The following MTTP variants were observed in gnomAD, a reference collection of about 807,000 sequenced individuals.
The protein encoded by MTTP is microsomal triglyceride transfer protein, also known as microsomal triglyceride transfer protein large subunit.
A neutral mutation model predicts 90.6 loss-of-function variants in MTTP; 49 were observed. The observed-to-expected ratio is 0.54, with a 90% CI of 0.43 to 0.69. MTTP has a LOEUF of 0.69. Among genes scored for constraint, MTTP ranks in the 30% least tolerant of loss-of-function variants. The pLI is 0.00. For synonymous variants in MTTP, 347 were observed against 384.2 expected, an observed-to-expected ratio of 0.90 and a Z score of 1.13; for missense variants, 945 against 1,067.5, an observed-to-expected ratio of 0.89 and a Z score of 1.60.
intron 6 of MTTP, 59 bp from the exon 7 acceptor site, chr4:99,594,674 G>A (rs1446980554): frequency 1.3e-6 from 2 of 1,591,136 alleles, no homozygotes; most frequent in African/African-American, 2.7e-5. Context: ...ATGGCAATTA[G>A]TATCTTGTTC....
intron 8 of MTTP, among the ~76,000 whole-genome samples, chr4:99,599,686 T>G (rs1725648822): frequency 6.6e-6 from 1 of 152,200 alleles, no homozygotes; most frequent in African/African-American, 2.4e-5. Context: ...ACTTAGAGAT[T>G]AGACACATAA....
intron 1 of MTTP, among the ~76,000 whole-genome samples, chr4:99,564,770 T>C (rs1724623215): frequency 6.6e-6 from 1 of 152,220 alleles, no homozygotes; most frequent in Non-Finnish European, 1.5e-5. Flanking sequence ...GCTTCTCATA[T>C]AGAAAGAATT....
chr4:99,566,297 G>GAAAAAAAAAAAAAAAAAAAAAAA (rs567380343), intron 1 of MTTP, among the ~76,000 whole-genome samples: 1 of 117,534 alleles, frequency 8.5e-6, no homozygotes, highest in Non-Finnish European at 1.8e-5. Context: ...TCAAAAAAAA[G>GAAAAAAAAAAAAAAAAAAAAAAA]AAAAAAAAAA....
intron 10 of MTTP, among the ~76,000 whole-genome samples, chr4:99,605,721 A>G (rs1725798143): frequency 6.6e-6 from 1 of 152,188 alleles, no homozygotes; most frequent in Non-Finnish European, 1.5e-5. Context: ...ATATGTTAGC[A>G]AACTTTTGAA....
chr4:99,566,132 A>G (rs1465972550), intron 1 of MTTP, among the ~76,000 whole-genome samples: 1 of 151,432 alleles, frequency 6.6e-6, no homozygotes, highest in Non-Finnish European at 1.5e-5. Flanking sequence ...TGCTGAAAAT[A>G]CAAAAACTTA....
intron 3 of MTTP, among the ~76,000 whole-genome samples, chr4:99,586,804 C>T (rs1447501720): frequency 2.0e-5 from 3 of 151,994 alleles, no homozygotes. Context: ...ATGAATGATG[C>T]CTACCTATTT....
chr4:99,618,438 C>T (rs995891417), intron 15 of MTTP, among the ~76,000 whole-genome samples: 1 of 152,208 alleles, frequency 6.6e-6, no homozygotes, highest in Non-Finnish European at 1.5e-5. Context: ...TCCAAACCTC[C>T]TCCCCTTACT....
chr4:99,610,067 G>A (rs1370448897), intron 12 of MTTP, among the ~76,000 whole-genome samples: 1 of 152,124 alleles, frequency 6.6e-6, no homozygotes, highest in Non-Finnish European at 1.5e-5. Flanking sequence ...AAAAACATTA[G>A]AGTGGGGAGG....
intron 1 of MTTP, among the ~76,000 whole-genome samples, chr4:99,567,713 A>G (rs748588879): frequency 1.2e-4 from 19 of 152,202 alleles, no homozygotes; most frequent in African/African-American, 3.4e-4. Context: ...CAGAACAGAG[A>G]CAATAGGGGC....
rs931880818 is a variant in MTTP, at chr4:99,591,883, T to C, written c.758+93T>C. 1.6e-5 allele frequency: 18 copies of C among 1,158,170 alleles called. No homozygotes were observed. The African/African-American group carries it at 2.0e-4, about 13-fold the overall frequency. 71.7% of individuals were successfully genotyped at this position (1,158,170 alleles called of 1,614,324 possible). A position where few individuals can be genotyped will look rare whatever the true frequency, so the allele number is the denominator to read the frequency against. On this transcript the variant is annotated intron_variant, in intron 6 of 17. Transcript: ENST00000265517. ...ATAGATCTGTGTTTGTGTGTGTGTGTGTGTGCGCGTGTAGTCATGCATTGC... is the reference window on the plus strand; with the variant it reads ...ATAGATCTGTGTTTGTGTGTGTGTGCGTGTGCGCGTGTAGTCATGCATTGC...
Position 99,623,054 on chromosome 4 carries a change from C to T in MTTP, c.*206C>T, listed in dbSNP as rs1726281258. On this transcript the variant is annotated 3_prime_UTR_variant, in exon 18 of 18. Transcript: ENST00000265517. ...AGCGTCATTTTGAATCATCATGTGA[C>T]GCTTTCAACAACGTTCTTAGTTTAC... 11 of 603,896 alleles carry T rather than the reference C, an allele frequency of 1.8e-5. No individual in the cohort carries two copies. Among genetic ancestry groups the T allele is most frequent in the East Asian group, 2.9e-5 (1 of 34,790 alleles). The allele number at this position is 603,896 out of a possible 1,614,324, so 37.4% of individuals were successfully genotyped here.
rs1329942525 is a variant in MTTP at position 99,613,005 on chromosome 4, C to T, written c.2082C>T (p.Ala694=). The change falls in exon 15 of 18, where the codon GCC becomes GCT. Residue 694 remains alanine, a synonymous_variant. Transcript: ENST00000265517. ...TTGACTCCTATGCTGGTATGTCAGC[C>T]ATCCTCTTTGATGTTCAGCTCAGAC... ...ENLDSYAGMS[A]ILFDVQLRPV... is the part of the protein sequence containing the mutation. 6.2e-7 allele frequency: 1 copy of T among 1,614,084 alleles called. No homozygotes were observed. Among genetic ancestry groups the T allele is most frequent in the Non-Finnish European group, 8.5e-7 (1 of 1,179,958 alleles).
rs1725572638 is a variant in MTTP at position 99,597,070 on chromosome 4, T to C, written c.913T>C (p.Ser305Pro). The C allele has an allele frequency of 1.2e-6, 2 of 1,613,838 alleles. No homozygotes were observed. The highest frequency in any genetic ancestry group is 4.5e-5 in the East Asian group (2 of 44,870). Residue 305 changes from serine to proline, a missense_variant, in exon 8 of 18, where the codon TCG (serine) becomes CCG (proline). Coordinates refer to ENST00000265517, the MANE Select transcript of MTTP (RefSeq NM_001386140.1). ...GCCTGCAGTGTATGTTTTGCAGCTC[T>C]CGGAGCTCTGGCGGTCCACCAGGAA... The part of the protein sequence containing the change: ...QSHCKGCPSL[S>P]ELWRSTRKYL...
At chr4:99,597,493 G>T (rs1489352981) in intron 8 of MTTP, among the ~76,000 whole-genome samples, 1 of 152,214 alleles carries the variant, frequency 6.6e-6, no homozygotes, top group Non-Finnish European at 1.5e-5. Context: ...TTGGTACATA[G>T]ATAAGTGAAG....
At chr4:99,594,537 T>C (rs367784754) in intron 6 of MTTP, among the ~76,000 whole-genome samples, 196 bp from the exon 7 acceptor site, 2 of 152,310 alleles carry the variant, frequency 1.3e-5, no homozygotes, top group African/African-American at 4.8e-5. Context: ...AATTTTCAAA[T>C]CTTTTAATAT....
At chr4:99,604,797 T>C (rs1725774659) in intron 10 of MTTP, among the ~76,000 whole-genome samples, 2 of 152,246 alleles carry the variant, frequency 1.3e-5, no homozygotes, top group South Asian at 4.1e-4. Context: ...ACAACTGTGG[T>C]TTTCGAGAAC....
At chr4:99,606,726 T>C in intron 10 of MTTP, 22 bp from the exon 11 acceptor site, 1 of 1,599,800 alleles carries the variant, frequency 6.3e-7, no homozygotes, top group Non-Finnish European at 8.6e-7. Context: ...CATGCATATA[T>C]CTAAGGTATA....
chr4:99,586,457 A>G (rs1464555084), intron 3 of MTTP, among the ~76,000 whole-genome samples: 1 of 152,044 alleles, frequency 6.6e-6, no homozygotes, highest in Non-Finnish European at 1.5e-5. Flanking sequence ...GCTGAGTCAG[A>G]CCTTTATTTT....
At chr4:99,583,325 A>C in intron 2 of MTTP, 49 bp from the exon 3 acceptor site, 1 of 1,589,364 alleles carries the variant, frequency 6.3e-7, no homozygotes, top group Non-Finnish European at 8.6e-7. Context: ...ACTCTGATGA[A>C]GACAGATATA....
Sources: gnomAD v4.1 joint callset for allele counts (sites outside exome capture counted in the v4.1 genomes callset) on GRCh38, gnomAD v4.1.1 for gene constraint, MANE v1.5 for transcripts, NCBI Gene and HGNC (gene_info 2026-07-23, HGNC 2026-07-21) for gene names.